The following EPM2A variants were observed in gnomAD, a reference collection of about 807,000 sequenced individuals.
EPM2A encodes laforin.
EPM2A carries 21 observed loss-of-function variants against 26.5 expected under a neutral mutation model. That is an observed-to-expected ratio of 0.79 (90% CI 0.56 to 1.14). The LOEUF (loss-of-function observed/expected upper bound fraction) is 1.14, where lower values mean the gene tolerates loss of function less well. EPM2A is among the 50% of genes most tolerant of loss of function. EPM2A has a pLI of 0.00. For missense variants in EPM2A, 458 were observed against 440.8 expected (o/e 1.04, Z -0.35); for synonymous variants, 217 against 177.6 (o/e 1.22, Z -1.76).
chr6:145,472,849 C>G (rs1341577714), intron 4 of EPM2A, among the ~76,000 whole-genome samples: 1 of 152,182 alleles, frequency 6.6e-6, no homozygotes. Context: ...GTTTGGGATA[C>G]TCCTTAAAGC....
At chr6:145,395,310 C>T (rs1778390021) in intron 4 of EPM2A, among the ~76,000 whole-genome samples, 1 of 152,144 alleles carries the variant, frequency 6.6e-6, no homozygotes, top group African/African-American at 2.4e-5. Context: ...TGGCCTCACC[C>T]CCTACTCTGG....
At chr6:145,532,224 A>G (rs1021110066) in intron 2 of EPM2A, among the ~76,000 whole-genome samples, 12 of 152,190 alleles carry the variant, frequency 7.9e-5, no homozygotes, top group Admixed American at 7.2e-4. Flanking sequence ...GAAAAAACAG[A>G]AAAGGGGGAG....
chr6:145,469,334 A>C (rs1285825424), intron 4 of EPM2A, among the ~76,000 whole-genome samples: 1 of 152,110 alleles, frequency 6.6e-6, no homozygotes, highest in Non-Finnish European at 1.5e-5. Context: ...ATTACAATTT[A>C]AGATGAGATT....
intron 1 of EPM2A, among the ~76,000 whole-genome samples, chr6:145,691,707 AG>A (rs1398700242): frequency 1.3e-5 from 2 of 152,118 alleles, no homozygotes; most frequent in Non-Finnish European, 2.9e-5. Context: ...GGTTGATACC[AG>A]TCAACTATGA....
intron 2 of EPM2A, among the ~76,000 whole-genome samples, chr6:145,556,504 A>G (rs189670314): frequency 2.3e-4 from 35 of 152,254 alleles, no homozygotes; most frequent in Non-Finnish European, 4.1e-4. Flanking sequence ...GGCAGAAAGT[A>G]TTTAGAGCTC....
In EPM2A at chr6:145,503,722, T is replaced by A. The variant is rs1008515514; in HGVS notation, c.341-1147A>T. On this transcript the variant is annotated intron_variant, in intron 2 of 3. Coordinates refer to the EPM2A transcript ENST00000450221. ...CCCATCAAGCTACCAATGACTTTCT[T>A]CACAGAATTGGAAAAAACTACTTTA... Among the ~76,000 whole-genome samples, 9 of 83,992 alleles carry A rather than the reference T, an allele frequency of 1.1e-4. 2 individuals carry two copies. Among genetic ancestry groups the A allele is most frequent in the Non-Finnish European group, 1.9e-4 (8 of 42,940 alleles). 55.1% of individuals were successfully genotyped at this position (83,992 alleles called of 152,430 possible). A position where few individuals can be genotyped will look rare whatever the true frequency, so the allele number is the denominator to read the frequency against.
chr6:145,547,028 C>A (rs1780591054), intron 2 of EPM2A, among the ~76,000 whole-genome samples: 1 of 152,106 alleles, frequency 6.6e-6, no homozygotes, highest in South Asian at 2.1e-4. Flanking sequence ...AAATACTCAA[C>A]CAGTTGTTCC....
At chr6:145,449,495 G>T (rs762793942) in intron 4 of EPM2A, among the ~76,000 whole-genome samples, 3 of 152,096 alleles carry the variant, frequency 2.0e-5, no homozygotes, top group Non-Finnish European at 4.4e-5. Context: ...CTTTTACCCC[G>T]TTTATCTAAG....
At chr6:145,617,320 A>G (rs766549993) in intron 2 of EPM2A, among the ~76,000 whole-genome samples, 1 of 152,196 alleles carries the variant, frequency 6.6e-6, no homozygotes, top group African/African-American at 2.4e-5. Context: ...TCCCAGCCAC[A>G]TGGAACTGTA....
chr6:145,438,162 A>G (rs147248058), intron 4 of EPM2A, among the ~76,000 whole-genome samples: 13 of 152,336 alleles, frequency 8.5e-5, no homozygotes, highest in Non-Finnish European at 1.6e-4. Context: ...AATCTAAAGA[A>G]CAATCAAGAC....
At chr6:145,537,436 T>C (rs1780447111) in intron 2 of EPM2A, among the ~76,000 whole-genome samples, 1 of 152,188 alleles carries the variant, frequency 6.6e-6, no homozygotes, top group Non-Finnish European at 1.5e-5. Context: ...TAGACATAAC[T>C]TATTTTTATA....
chr6:145,403,529 T>C (rs982817623), intron 4 of EPM2A, among the ~76,000 whole-genome samples: 1 of 152,118 alleles, frequency 6.6e-6, no homozygotes, highest in Non-Finnish European at 1.5e-5. Flanking sequence ...GATGTCTTTC[T>C]GTCCTGGCTT....
intron 4 of EPM2A, among the ~76,000 whole-genome samples, chr6:145,485,933 A>C (rs970289571): frequency 1.3e-5 from 2 of 152,214 alleles, no homozygotes; most frequent in African/African-American, 4.8e-5. Flanking sequence ...CCATGAGAAC[A>C]GTATGGGGGA....
At chr6:145,430,175 A>G (rs958835074) in intron 4 of EPM2A, among the ~76,000 whole-genome samples, 1 of 146,600 alleles carries the variant, frequency 6.8e-6, no homozygotes, top group African/African-American at 2.5e-5. Context: ...CTGGGCAACA[A>G]GAGTGAAACT....
At chr6:145,420,202 C>A (rs964778449) in intron 4 of EPM2A, among the ~76,000 whole-genome samples, 2 of 152,014 alleles carry the variant, frequency 1.3e-5, no homozygotes, top group Non-Finnish European at 2.9e-5. Flanking sequence ...AGTATTCAAG[C>A]CAATAATATT....
At chr6:145,584,926 CT>C (rs1781168552) in intron 2 of EPM2A, among the ~76,000 whole-genome samples, 1 of 152,162 alleles carries the variant, frequency 6.6e-6, no homozygotes, top group South Asian at 2.1e-4. Flanking sequence ...GGCTCTCTCT[CT>C]TTCAGATTTT....
At chr6:145,714,362 G>T (rs114635166) in intron 1 of EPM2A, among the ~76,000 whole-genome samples, 36 of 152,300 alleles carry the variant, frequency 2.4e-4, no homozygotes, top group African/African-American at 7.9e-4. Flanking sequence ...GTGACTTTAA[G>T]TGAAATGATG....
upstream of EPM2A, chr6:145,735,955 C>G (rs1254227924): frequency 6.6e-6 from 1 of 151,978 alleles, no homozygotes. Flanking sequence ...GATCTTGGAC[C>G]TGGTCTCTGG....
At chr6:145,514,659 C>T (rs1014344701) in intron 2 of EPM2A, among the ~76,000 whole-genome samples, 2 of 152,116 alleles carry the variant, frequency 1.3e-5, no homozygotes, top group African/African-American at 2.4e-5. Flanking sequence ...CCTCCCTCCC[C>T]AAGTGATATT....
Sources: allele counts gnomAD v4.1 joint callset (sites outside exome capture counted in the v4.1 genomes callset), GRCh38; gene constraint gnomAD v4.1.1; transcripts MANE v1.5; gene names NCBI Gene and HGNC (gene_info 2026-07-23, HGNC 2026-07-21).